The following CDH4 variants were observed in gnomAD, a reference collection of about 807,000 sequenced individuals.
The protein encoded by CDH4 is cadherin 4.
In CDH4, 33 loss-of-function variants were observed where a neutral mutation model predicts 86.0. That is an observed-to-expected ratio of 0.38 (90% CI 0.29 to 0.51). The LOEUF (loss-of-function observed/expected upper bound fraction) is 0.51, where lower values mean the gene tolerates loss of function less well. Among genes scored for constraint, CDH4 ranks in the 20% least tolerant of loss-of-function variants. The probability of loss-of-function intolerance (pLI) is 0.86; values close to 1 mark genes in which losing one functional copy is unlikely to be tolerated. For missense variants in CDH4, 1,114 were observed against 1,307.4 expected (o/e 0.85, Z 2.28); for synonymous variants, 555 against 549.4 (o/e 1.01, Z -0.14).
At chr20:61,394,684 T>C (rs2085006077) in intron 2 of CDH4, among the ~76,000 whole-genome samples, 1 of 151,662 alleles carries the variant, frequency 6.6e-6, no homozygotes, top group Non-Finnish European at 1.5e-5. Flanking sequence ...CCTTTCCCAG[T>C]GGGTGTTGGA....
At chr20:61,400,926 A>G (rs953002204) in intron 2 of CDH4, among the ~76,000 whole-genome samples, 2 of 152,166 alleles carry the variant, frequency 1.3e-5, no homozygotes, top group Non-Finnish European at 2.9e-5. Context: ...TTGCCACTGT[A>G]GTCATTCTTT....
At chr20:61,345,749 G>C (rs2084675826) in intron 2 of CDH4, among the ~76,000 whole-genome samples, 1 of 152,198 alleles carries the variant, frequency 6.6e-6, no homozygotes, top group African/African-American at 2.4e-5. Context: ...AGGAGTGAGT[G>C]GTGTTGGGGC....
At chr20:61,649,753 G>A (rs1276215485) in intron 2 of CDH4, among the ~76,000 whole-genome samples, 1 of 152,198 alleles carries the variant, frequency 6.6e-6, no homozygotes, top group Non-Finnish European at 1.5e-5. Context: ...AGAAGAGCAT[G>A]GCGGGCCGTG....
chr20:61,778,410 A>G (rs1391401598), intron 4 of CDH4, among the ~76,000 whole-genome samples: 1 of 152,184 alleles, frequency 6.6e-6, no homozygotes, highest in African/African-American at 2.4e-5. Flanking sequence ...TCCCCAAAAA[A>G]AGTCTGTTAA....
intron 4 of CDH4, among the ~76,000 whole-genome samples, chr20:61,817,274 C>T (rs1980766150): frequency 6.6e-6 from 1 of 152,136 alleles, no homozygotes; most frequent in Non-Finnish European, 1.5e-5. Context: ...GAGTGCCCCT[C>T]ACCGGGCCCA....
chr20:61,566,585 G>A (rs571800455), intron 2 of CDH4, among the ~76,000 whole-genome samples: 9 of 152,210 alleles, frequency 5.9e-5, no homozygotes, highest in South Asian at 2.1e-4. Flanking sequence ...TGTCTGCAGC[G>A]CTCTGACATC....
intron 2 of CDH4, among the ~76,000 whole-genome samples, chr20:61,399,341 C>T (rs1361827192): frequency 2.0e-5 from 1 of 50,374 alleles, no homozygotes; most frequent in Non-Finnish European, 3.7e-5. Context: ...ACCTTGTTAG[C>T]CAGGATGGTC....
intron 6 of CDH4, among the ~76,000 whole-genome samples, chr20:61,858,785 A>G (rs1204373208): frequency 6.6e-6 from 1 of 152,062 alleles, no homozygotes; most frequent in Non-Finnish European, 1.5e-5. Flanking sequence ...GCCTGGGTGT[A>G]CCGCGGCTTA....
chr20:61,737,574 G>A (rs965709626), intron 2 of CDH4, among the ~76,000 whole-genome samples: 18 of 152,180 alleles, frequency 1.2e-4, no homozygotes, highest in African/African-American at 2.4e-4. Context: ...CAGCCTGTGC[G>A]GTTCCCGGCA....
chr20:61,546,046 G>A (rs2086080093), intron 2 of CDH4, among the ~76,000 whole-genome samples: 1 of 732 alleles, frequency 1.4e-3, no homozygotes. Flanking sequence ...TGTGTGTGTG[G>A]AGGGCTGTCT....
chr20:61,839,433 GTGTT>G lies in CDH4; in HGVS notation c.577-5231_577-5228del, dbSNP rs540952839. Among the ~76,000 whole-genome samples, 62 of 152,018 alleles carry G rather than the reference GTGTT, an allele frequency of 4.1e-4. No individual in the cohort carries two copies. The South Asian group carries it at 4.8e-3, about 12-fold the overall frequency. Reference sequence around the variant, plus strand: ...ATGTGTGCGTGTGTGTGTGATGTGTGTGTTTGTGTATTGAGTATGTGTTGTGTGT... The same window carrying G: ...ATGTGTGCGTGTGTGTGTGATGTGTGTGTGTATTGAGTATGTGTTGTGTGT... On this transcript the variant is annotated intron_variant, in intron 4 of 15. Transcript: ENST00000614565.
At chr20:61,785,223 T>G (rs1446806873) in intron 4 of CDH4, among the ~76,000 whole-genome samples, 1 of 152,096 alleles carries the variant, frequency 6.6e-6, no homozygotes, top group Admixed American at 6.6e-5. Flanking sequence ...TGGCCATGCT[T>G]CACCATCTCC....
chr20:61,933,199 CCCTGGGGTTTAACAGTAAGACATTTCAA>C, intron 14 of CDH4, 75 bp downstream of exon 14: 1 of 1,547,440 alleles, frequency 6.5e-7, no homozygotes, highest in Non-Finnish European at 8.8e-7. Context: ...GCAGGGATTG[CCCTGGGGTTTAACAGTAAGACATTTCAA>C]CCTTTTCACC....
intron 3 of CDH4, among the ~76,000 whole-genome samples, chr20:61,758,955 G>A (rs2088599096): frequency 1.3e-5 from 2 of 151,806 alleles, no homozygotes; most frequent in East Asian, 1.9e-4. Flanking sequence ...ATGTATATGA[G>A]TGTGCACATG....
chr20:61,927,629 G>A (rs1716542590), intron 11 of CDH4, among the ~76,000 whole-genome samples: 1 of 152,250 alleles, frequency 6.6e-6, no homozygotes, highest in African/African-American at 2.4e-5. Flanking sequence ...GCAAGGAAAG[G>A]TTTTGCCCTA....
intron 2 of CDH4, among the ~76,000 whole-genome samples, chr20:61,612,059 T>C (rs1004118827): frequency 5.9e-5 from 9 of 152,100 alleles, no homozygotes; most frequent in African/African-American, 2.2e-4. Flanking sequence ...AGATAGCAAG[T>C]CTCCAATCTA....
In CDH4 at chr20:61,908,337, G is replaced by C. The variant is rs550934098; in HGVS notation, c.1189-2085G>C. On this transcript the variant is annotated intron_variant, in intron 8 of 15. Coordinates refer to ENST00000614565, the MANE Select transcript of CDH4 (RefSeq NM_001794.5). The stretch of plus-strand genomic sequence containing the variant: ...GCTATCACTCATTCCTTCATTCATT[G>C]ATTGGGCCAGCAGGGACAGTCGCCA... Among the ~76,000 whole-genome samples the C allele has an allele frequency of 4.5e-4, 69 of 152,248 alleles. 1 individual carries two copies. The highest frequency in any genetic ancestry group is 1.5e-3 in the African/African-American group (61 of 41,562).
Position 61,634,686 on chromosome 20 carries a change from G to C in CDH4, c.170-108877G>C, listed in dbSNP as rs1020848740. On this transcript the variant is annotated intron_variant, in intron 2 of 15. Transcript: ENST00000614565. ...TAAACTACACTTAACATAAGCGTTC[G>C]TTTTAACACTTTGAAGCGCAGAGCT... 3.9e-5 allele frequency among the ~76,000 whole-genome samples: 6 copies of C among 152,212 alleles called. No individual in the cohort carries two copies. In the South Asian group the frequency reaches 1.2e-3, roughly 32 times the overall value.
intron 2 of CDH4, among the ~76,000 whole-genome samples, chr20:61,671,955 G>A (rs2087394217): frequency 6.6e-6 from 1 of 150,988 alleles, no homozygotes; most frequent in African/African-American, 2.4e-5. Flanking sequence ...GTGGATGGAT[G>A]TATGGTTGAA....
Sources: allele counts gnomAD v4.1 joint callset (sites outside exome capture counted in the v4.1 genomes callset), GRCh38; gene constraint gnomAD v4.1.1; transcripts MANE v1.5; gene names NCBI Gene and HGNC (gene_info 2026-07-23, HGNC 2026-07-21).